Variants in TTC39C observed in about 807,000 individuals in gnomAD.
TTC39C encodes tetratricopeptide repeat domain 39C, also known as tetratricopeptide repeat protein 39C.
TTC39C carries 33 observed loss-of-function variants against 76.3 expected under a neutral mutation model. That is an observed-to-expected ratio of 0.43 (90% CI 0.33 to 0.58). TTC39C has a LOEUF of 0.58. TTC39C is among the 20% of genes least tolerant of loss of function. TTC39C has a pLI of 0.04. For synonymous variants in TTC39C, 254 were observed against 260.6 expected (o/e 0.97, Z 0.24); for missense variants, 595 against 701.4 (o/e 0.85, Z 1.71).
upstream of TTC39C, among the ~76,000 whole-genome samples, chr18:24,011,472 TAAAC>T (rs1261255996): frequency 6.6e-6 from 1 of 152,148 alleles, no homozygotes; most frequent in African/African-American, 2.4e-5. Context: ...ATAGAGCCAA[TAAAC>T]ACCAAAGTGG....
chr18:24,100,457 T>G (rs1470356108), intron 6 of TTC39C, among the ~76,000 whole-genome samples: 2 of 152,228 alleles, frequency 1.3e-5, no homozygotes, highest in African/African-American at 4.8e-5. Context: ...CAGTGGTATC[T>G]TGGCCCAGTT....
At chr18:24,111,890 AG>A (rs2084817058) in intron 6 of TTC39C, among the ~76,000 whole-genome samples, 2 of 147,182 alleles carry the variant, frequency 1.4e-5, no homozygotes, top group African/African-American at 4.9e-5. Flanking sequence ...AGACAGAGCA[AG>A]ACCCTATCTT....
Position 24,131,726 on chromosome 18 carries a change from AAAG to A in TTC39C, c.1624-150_1624-148del, listed in dbSNP as rs1193668003. On this transcript the variant is annotated intron_variant, in intron 12 of 13. Coordinates refer to ENST00000317571, the MANE Select transcript of TTC39C (RefSeq NM_001135993.2). ...AAACTCCATCTCAAAAAAAAAAAAA[AAAG>A]AAGAATATTGGAGTCATTATACTTG... Among the ~76,000 whole-genome samples the A allele has an allele frequency of 2.4e-4, 36 of 152,186 alleles. 1 individual carries two copies. The highest frequency in any genetic ancestry group is 6.8e-3 in the Middle Eastern group (2 of 294).
intron 6 of TTC39C, among the ~76,000 whole-genome samples, chr18:24,110,063 T>C (rs1489894897): frequency 6.6e-6 from 1 of 152,142 alleles, no homozygotes; most frequent in East Asian, 1.9e-4. Context: ...TCCAACATTA[T>C]AATTTTAAAA....
At chr18:24,056,725 T>C (rs527340120) in intron 1 of TTC39C, among the ~76,000 whole-genome samples, 28 of 152,262 alleles carry the variant, frequency 1.8e-4, no homozygotes, top group Admixed American at 1.3e-3. Flanking sequence ...AGAGAGAAAA[T>C]TTTAGAGCCG....
chr18:24,015,936 C>T, intron 1 of TTC39C, among the ~76,000 whole-genome samples: 1 of 152,124 alleles, frequency 6.6e-6, no homozygotes, highest in East Asian at 1.9e-4. Context: ...TGTTGACGAG[C>T]CTTAAGGACG....
intron 7 of TTC39C, among the ~76,000 whole-genome samples, chr18:24,115,784 TA>T (rs1431484045): frequency 1.3e-5 from 2 of 152,260 alleles, no homozygotes; most frequent in Admixed American, 6.5e-5. Flanking sequence ...TGTTGTGGTT[TA>T]AAAAGAGGAA....
At chr18:24,077,012 A>G (rs933579561) in intron 4 of TTC39C, 2 of 152,190 alleles carry the variant, frequency 1.3e-5, no homozygotes, top group Non-Finnish European at 2.9e-5. Context: ...TGAGGTCAGA[A>G]TTGTTAGCAT....
intron 6 of TTC39C, among the ~76,000 whole-genome samples, chr18:24,084,461 G>A (rs186862534): frequency 2.2e-4 from 34 of 152,098 alleles, no homozygotes; most frequent in African/African-American, 7.2e-4. Context: ...CTCCAGCCTG[G>A]GTGACAGAGT....
At chr18:24,101,840 T>C (rs2145790798) in intron 6 of TTC39C, among the ~76,000 whole-genome samples, 1 of 152,266 alleles carries the variant, frequency 6.6e-6, no homozygotes, top group East Asian at 1.9e-4. Context: ...GTTATCTTCT[T>C]CGCTGTTATT....
chr18:24,054,815 G>A (rs566926242), intron 1 of TTC39C, among the ~76,000 whole-genome samples: 3 of 152,068 alleles, frequency 2.0e-5, no homozygotes, highest in African/African-American at 7.2e-5. Context: ...AAGTACATAT[G>A]CATTGTTTTG....
chr18:24,025,730 C>T (rs886842455), intron 1 of TTC39C, among the ~76,000 whole-genome samples: 23 of 152,062 alleles, frequency 1.5e-4, no homozygotes, highest in African/African-American at 4.8e-4. Flanking sequence ...CATTGAGAGG[C>T]GCTGAGCTTG....
intron 1 of TTC39C, among the ~76,000 whole-genome samples, chr18:24,039,584 G>A (rs936856025): frequency 2.6e-5 from 4 of 152,134 alleles, no homozygotes; most frequent in African/African-American, 4.8e-5. Flanking sequence ...CTCTTGCCTC[G>A]GCCTCCCAAA....
intron 1 of TTC39C, among the ~76,000 whole-genome samples, chr18:24,050,934 T>C (rs2083941558): frequency 6.6e-6 from 1 of 152,124 alleles, no homozygotes; most frequent in Non-Finnish European, 1.5e-5. Flanking sequence ...TTGTCTGTAT[T>C]TTAAATTACT....
intron 1 of TTC39C, among the ~76,000 whole-genome samples, chr18:24,056,135 G>T (rs1422414730): frequency 6.6e-6 from 1 of 152,202 alleles, no homozygotes; most frequent in Non-Finnish European, 1.5e-5. Context: ...CCCTGGGTCT[G>T]TGATTTTTAA....
rs757639984 is a variant in TTC39C at position 24,087,593 on chromosome 18, G to GT, written c.984+4521dup. ...GCATTTTGAGAACTGTTTTTTTTTT[G>GT]TTTTTTTTTGAGACAGAGTCTTGCT... On this transcript the variant is annotated intron_variant, in intron 6 of 13. Transcript: ENST00000317571. Among the ~76,000 whole-genome samples the GT allele has an allele frequency of 3.6e-4, 48 of 132,966 alleles. 1 individual carries two copies. The East Asian group carries it at 5.5e-3, about 15-fold the overall frequency. 87.2% of individuals were successfully genotyped at this position (132,966 alleles called of 152,430 possible).
chr18:24,074,053 A>G (rs1212034414), intron 4 of TTC39C, among the ~76,000 whole-genome samples: 2 of 152,242 alleles, frequency 1.3e-5, no homozygotes, highest in African/African-American at 2.4e-5. Flanking sequence ...CTTGAGATGA[A>G]TGAGATGCAC....
At position 24,132,626 on chromosome 18, in the gene TTC39C, A is replaced by C; in HGVS notation, c.*52A>C. ...TCCCCACCCAGGGTCCGCACTTTAA[A>C]ATAAAAGCAGAGGACAAAGCTCTTG... is the stretch of plus-strand genomic sequence containing the variant. On this transcript the variant is annotated 3_prime_UTR_variant, in exon 14 of 14. Transcript: ENST00000317571. 6.6e-7 allele frequency: 1 copy of C among 1,506,556 alleles called. No homozygotes were observed. Among genetic ancestry groups the C allele is most frequent in the Non-Finnish European group, 9.1e-7 (1 of 1,096,218 alleles). The allele number at this position is 1,506,556 out of a possible 1,614,324, so 93.3% of individuals were successfully genotyped here. A position where few individuals can be genotyped will look rare whatever the true frequency, so the allele number is the denominator to read the frequency against.
intron 6 of TTC39C, among the ~76,000 whole-genome samples, chr18:24,086,733 T>C (rs2145768845): frequency 6.6e-6 from 1 of 152,344 alleles, no homozygotes; most frequent in African/African-American, 2.4e-5. Flanking sequence ...ACTTGTGTTG[T>C]CCTTACAGCT....
Sources: allele counts gnomAD v4.1 joint callset (sites outside exome capture counted in the v4.1 genomes callset), GRCh38; gene constraint gnomAD v4.1.1; transcripts MANE v1.5; gene names NCBI Gene and HGNC (gene_info 2026-07-23, HGNC 2026-07-21).